Variants in C10orf105 observed in about 807,000 individuals in gnomAD.
C10orf105 encodes the protein uncharacterized protein C10orf105.
In C10orf105, 2 loss-of-function variants were observed where a neutral mutation model predicts 0.6. The observed-to-expected ratio is 3.18, with a 90% CI of 1.30 to 10.01. The LOEUF is 10.01. C10orf105 is among the 30% of genes most tolerant of loss of function. The pLI is 0.04. For synonymous variants in C10orf105, 95 were observed against 82.4 expected, an observed-to-expected ratio of 1.15 and a Z score of -0.83; for missense variants, 209 against 191.4, an observed-to-expected ratio of 1.09 and a Z score of -0.54.
intron 1 of C10orf105, among the ~76,000 whole-genome samples, chr10:71,727,393 C>T (rs1866863633): frequency 6.6e-6 from 1 of 152,228 alleles, no homozygotes; most frequent in Non-Finnish European, 1.5e-5. Flanking sequence ...AGGGCTGGCC[C>T]CTGGGGCAGG....
intron 1 of C10orf105, chr10:71,730,595 C>A: frequency 6.2e-7 from 1 of 1,613,840 alleles, no homozygotes; most frequent in Non-Finnish European, 8.5e-7. Flanking sequence ...AGCCACAGAC[C>A]GAGACTCTGG....
rs1866230045 is a variant in C10orf105 at position 71,716,261 on chromosome 10, G to A, written c.77C>T (p.Pro26Leu). 1 of 1,543,256 alleles carries A rather than the reference G, an allele frequency of 6.5e-7. No individual in the cohort carries two copies. The highest frequency in any genetic ancestry group is 1.4e-5 in the African/African-American group (1 of 72,952). Residue 26 changes from proline to leucine, a missense_variant, in exon 2 of 2, where the codon CCC (proline) becomes CTC (leucine). Pro to Leu is a moderately conservative substitution (Grantham distance 98). Coordinates refer to ENST00000441508, the MANE Select transcript of C10orf105 (RefSeq NM_001164375.3). ...PLAFLSAPVTPGTLAEATDPL... is the reference protein window; with the variant it reads ...PLAFLSAPVTLGTLAEATDPL... Reference sequence around the variant, plus strand: ...GTCAGTTGCCTCTGCAAGGGTCCCGGGAGTGACGGGAGCTGAGAGAAAGGC... The same window carrying A: ...GTCAGTTGCCTCTGCAAGGGTCCCGAGAGTGACGGGAGCTGAGAGAAAGGC...
upstream of C10orf105, chr10:71,724,009 C>T: frequency 6.4e-7 from 1 of 1,550,912 alleles, no homozygotes; most frequent in Non-Finnish European, 8.7e-7. Flanking sequence ...TGCTGGGTGG[C>T]ATTCAAGAAG....
intron 1 of C10orf105, among the ~76,000 whole-genome samples, chr10:71,727,950 C>A (rs1187770235): frequency 6.6e-6 from 1 of 152,120 alleles, no homozygotes; most frequent in Non-Finnish European, 1.5e-5. Context: ...AGGCTGAAAC[C>A]GACCAGAGGC....
intron 1 of C10orf105, among the ~76,000 whole-genome samples, chr10:71,735,787 C>T (rs912346559): frequency 2.0e-5 from 3 of 152,324 alleles, no homozygotes; most frequent in African/African-American, 2.4e-5. Context: ...CCCCTCCATC[C>T]GTGGGGCCAG....
intron 1 of C10orf105, among the ~76,000 whole-genome samples, chr10:71,733,369 G>A (rs559195170): frequency 4.6e-5 from 7 of 152,268 alleles, no homozygotes; most frequent in Admixed American, 6.5e-5. Flanking sequence ...ACATAGGTAC[G>A]ATCAATTATT....
intron 1 of C10orf105, among the ~76,000 whole-genome samples, chr10:71,734,056 G>A (rs1046519666): frequency 6.6e-6 from 1 of 152,252 alleles, no homozygotes; most frequent in Non-Finnish European, 1.5e-5. Flanking sequence ...GAAGCAGGAA[G>A]GCTTCATGGA....
At chr10:71,723,532 T>C (rs1188551319), upstream of C10orf105, among the ~76,000 whole-genome samples, 1 of 152,028 alleles carries the variant, frequency 6.6e-6, no homozygotes, top group Non-Finnish European at 1.5e-5. Flanking sequence ...CATGGAGCCA[T>C]TGTGTGGGAG....
chr10:71,727,653 C>T (rs1290135908), intron 1 of C10orf105, among the ~76,000 whole-genome samples: 1 of 152,104 alleles, frequency 6.6e-6, no homozygotes, highest in Non-Finnish European at 1.5e-5. Context: ...TCAGGGTGTT[C>T]ACGACACATA....
upstream of C10orf105, chr10:71,723,933 G>C (rs1038539014): frequency 8.1e-7 from 1 of 1,235,678 alleles, no homozygotes. Context: ...GAGACCACAG[G>C]TTTTGGCAGG....
At chr10:71,723,406 TC>T (rs200445963), upstream of C10orf105, among the ~76,000 whole-genome samples, 5 of 150,910 alleles carry the variant, frequency 3.3e-5, no homozygotes, top group East Asian at 3.9e-4. Flanking sequence ...GACAACAACG[TC>T]CCCCCCCACA....
intron 1 of C10orf105, among the ~76,000 whole-genome samples, chr10:71,728,189 T>TA (rs1564761257): frequency 1.3e-5 from 2 of 151,438 alleles, no homozygotes; most frequent in Non-Finnish European, 2.9e-5. Context: ...CCATGCAAAC[T>TA]CCCCCCCGCA....
chr10:71,734,518 G>A (rs946291887), intron 1 of C10orf105: 4 of 1,597,192 alleles, frequency 2.5e-6, no homozygotes, highest in Admixed American at 1.7e-5. Context: ...GTTGGGCTAG[G>A]ATGAGACCTC....
upstream of C10orf105, among the ~76,000 whole-genome samples, chr10:71,724,457 C>A (rs886222592): frequency 2.6e-5 from 4 of 152,212 alleles, no homozygotes; most frequent in Non-Finnish European, 4.4e-5. Flanking sequence ...GGACTACAGG[C>A]GCATGCCTGT....
upstream of C10orf105, among the ~76,000 whole-genome samples, chr10:71,724,316 G>A (rs186868773): frequency 5.9e-5 from 9 of 152,260 alleles, no homozygotes; most frequent in African/African-American, 2.2e-4. Flanking sequence ...TTTTTGAGAC[G>A]GAGTCTCCCT....
rs1251632611 is a variant in C10orf105 at position 71,712,519 on chromosome 10, A to G, written c.*3417T>C. ...ACTGTTAGTGTTATTCCTAAGCTAA[A>G]AAGGAAGTCACCCCTTGCAAAGGCT... On this transcript the variant is annotated 3_prime_UTR_variant, in exon 2 of 2. Transcript: ENST00000441508. The G allele has an allele frequency of 9.3e-6, 7 of 754,478 alleles. No homozygotes were observed. Among genetic ancestry groups the G allele is most frequent in the Non-Finnish European group, 1.5e-5 (7 of 458,808 alleles). The allele number at this position is 754,478 out of a possible 1,614,324, so 46.7% of individuals were successfully genotyped here. A position where few individuals can be genotyped will look rare whatever the true frequency, so the allele number is the denominator to read the frequency against.
upstream of C10orf105, among the ~76,000 whole-genome samples, chr10:71,721,758 C>G (rs1443156490): frequency 1.3e-5 from 2 of 152,218 alleles, no homozygotes; most frequent in Non-Finnish European, 2.9e-5. Flanking sequence ...TACTCCCTGT[C>G]CTGTGGAGGT....
In C10orf105 at chr10:71,719,775, G is replaced by C. The variant is rs1178789421; in HGVS notation, c.-154C>G. On this transcript the variant is annotated 5_prime_UTR_variant, in exon 1 of 2. Transcript: ENST00000441508. Reference sequence around the variant, plus strand: ...CAGCCCTCGGTCAGCCTGGCCAGCAGAGTGGCCTCCCCGTCACTCCCCAGC... The same window carrying C: ...CAGCCCTCGGTCAGCCTGGCCAGCACAGTGGCCTCCCCGTCACTCCCCAGC... The C allele has an allele frequency of 6.6e-6, 1 of 152,568 alleles. No homozygotes were observed. Among genetic ancestry groups the C allele is most frequent in the African/African-American group, 2.4e-5 (1 of 41,474 alleles). The allele number at this position is 152,568 out of a possible 1,614,324, so 9.5% of individuals were successfully genotyped here.
Position 71,713,451 on chromosome 10 carries a change from C to T in C10orf105, c.*2485G>A. 1 of 593,310 alleles carries T rather than the reference C, an allele frequency of 1.7e-6. No homozygotes were observed. The highest frequency in any genetic ancestry group is 2.8e-5 in the East Asian group (1 of 35,650). The allele number at this position is 593,310 out of a possible 1,614,324, so 36.8% of individuals were successfully genotyped here. On this transcript the variant is annotated 3_prime_UTR_variant, in exon 2 of 2. Transcript: ENST00000441508. ...TCGGAGGCTGAGCCAAACAGGGAAT[C>T]TGGGCCTGCCCACTGGGGCAGGCTC...
Sources: allele counts gnomAD v4.1 joint callset (sites outside exome capture counted in the v4.1 genomes callset), GRCh38; gene constraint gnomAD v4.1.1; transcripts MANE v1.5; gene names NCBI Gene and HGNC (gene_info 2026-07-23, HGNC 2026-07-21).